The following CTIF variants were observed in gnomAD, a reference collection of about 807,000 sequenced individuals.
The protein encoded by CTIF is CBP80/20-dependent translation initiation factor.
In CTIF, 21 loss-of-function variants were observed where a neutral mutation model predicts 66.0. The observed-to-expected ratio is 0.32, with a 90% CI of 0.23 to 0.46. CTIF has a LOEUF of 0.46. Among genes scored for constraint, CTIF ranks in the 20% least tolerant of loss-of-function variants. The probability of loss-of-function intolerance (pLI) is 1.00; values close to 1 mark genes in which losing one functional copy is unlikely to be tolerated. For synonymous variants in CTIF, 345 were observed against 326.4 expected, an observed-to-expected ratio of 1.06 and a Z score of -0.62; for missense variants, 739 against 812.7, an observed-to-expected ratio of 0.91 and a Z score of 1.10.
At chr18:48,680,922 C>T (rs1016946830) in intron 6 of CTIF, among the ~76,000 whole-genome samples, 3 of 152,206 alleles carry the variant, frequency 2.0e-5, no homozygotes, top group Non-Finnish European at 4.4e-5. Context: ...TTTTAGTTTC[C>T]CCCTGCTTCT....
At chr18:48,695,915 A>G (rs911720602) in intron 6 of CTIF, among the ~76,000 whole-genome samples, 1 of 152,228 alleles carries the variant, frequency 6.6e-6, no homozygotes, top group Non-Finnish European at 1.5e-5. Flanking sequence ...TCTCCTCCGC[A>G]TGTGACTCGG....
intron 9 of CTIF, among the ~76,000 whole-genome samples, chr18:48,774,611 C>T (rs867236915): frequency 1.3e-4 from 20 of 152,236 alleles, no homozygotes; most frequent in Admixed American, 2.6e-4. Flanking sequence ...TGCTCAAAAT[C>T]GTCCCCCCTC....
chr18:48,629,535 C>G (rs1038723514), intron 2 of CTIF, among the ~76,000 whole-genome samples: 1 of 151,474 alleles, frequency 6.6e-6, no homozygotes, highest in African/African-American at 2.4e-5. Flanking sequence ...TGTATTTCCT[C>G]AGAACAAGGA....
At chr18:48,681,780 G>A (rs2091747427) in intron 6 of CTIF, among the ~76,000 whole-genome samples, 1 of 151,288 alleles carries the variant, frequency 6.6e-6, no homozygotes, top group Non-Finnish European at 1.5e-5. Flanking sequence ...GTTTTTGTTT[G>A]TTTGTTTGTT....
intron 10 of CTIF, among the ~76,000 whole-genome samples, chr18:48,835,585 C>T (rs1449951229): frequency 6.6e-6 from 1 of 152,148 alleles, no homozygotes; most frequent in Non-Finnish European, 1.5e-5. Context: ...CTAAGGATCC[C>T]ACATCTATAA....
At chr18:48,636,326 T>G (rs377141928) in intron 2 of CTIF, among the ~76,000 whole-genome samples, 8 of 152,224 alleles carry the variant, frequency 5.3e-5, no homozygotes, top group African/African-American at 1.7e-4. Context: ...ATAAGTTTTG[T>G]CATATCTGGC....
intron 2 of CTIF, among the ~76,000 whole-genome samples, chr18:48,629,816 T>G (rs1016985965): frequency 2.0e-5 from 3 of 152,176 alleles, no homozygotes; most frequent in Non-Finnish European, 4.4e-5. Flanking sequence ...TCAGTCTCCA[T>G]GTTTGCTAAT....
chr18:48,652,047 G>A (rs1313634555), intron 3 of CTIF, among the ~76,000 whole-genome samples: 4 of 152,158 alleles, frequency 2.6e-5, no homozygotes, highest in African/African-American at 2.4e-5. Flanking sequence ...ATCTAAAATC[G>A]ACACCCTAAC....
rs2090497087 is a variant in CTIF at position 48,621,722 on chromosome 18, C to T, written c.180+1977C>T. 7 of 262,380 alleles carry T rather than the reference C, an allele frequency of 2.7e-5. 1 individual carries two copies. Among genetic ancestry groups the T allele is most frequent in the South Asian group, 2.0e-4 (6 of 30,518 alleles). The allele number at this position is 262,380 out of a possible 1,614,324, so 16.3% of individuals were successfully genotyped here. Reference sequence around the variant, plus strand: ...ACTGAGCGGTGAAGGCAGAAGCCTGCCTGTGGCCAGCTCAAGGAACAGAAG... The same window carrying T: ...ACTGAGCGGTGAAGGCAGAAGCCTGTCTGTGGCCAGCTCAAGGAACAGAAG... On this transcript the variant is annotated intron_variant, in intron 2 of 11. Coordinates refer to ENST00000256413, the MANE Select transcript of CTIF (RefSeq NM_014772.3).
chr18:48,770,558 G>C (rs1383768869), intron 9 of CTIF, among the ~76,000 whole-genome samples: 1 of 152,264 alleles, frequency 6.6e-6, no homozygotes, highest in Non-Finnish European at 1.5e-5. Flanking sequence ...AGCGTGGGTG[G>C]CTCAGGAGGG....
intron 10 of CTIF, among the ~76,000 whole-genome samples, chr18:48,835,103 C>T (rs1286458470): frequency 6.6e-6 from 1 of 152,268 alleles, no homozygotes; most frequent in African/African-American, 2.4e-5. Flanking sequence ...CAAATTCCTT[C>T]ACTTCCTTGA....
At chr18:48,634,039 A>T (rs1265714997) in intron 2 of CTIF, among the ~76,000 whole-genome samples, 1 of 152,168 alleles carries the variant, frequency 6.6e-6, no homozygotes, top group Non-Finnish European at 1.5e-5. Context: ...TTTGCATGTA[A>T]TTGCCACATC....
intron 9 of CTIF, among the ~76,000 whole-genome samples, chr18:48,801,433 C>T (rs948944576): frequency 6.6e-5 from 10 of 152,296 alleles, no homozygotes; most frequent in African/African-American, 2.2e-4. Flanking sequence ...TTTTGGGATA[C>T]GGCTTAGATA....
intron 9 of CTIF, among the ~76,000 whole-genome samples, chr18:48,787,397 G>A (rs959320894): frequency 1.3e-4 from 20 of 152,126 alleles, no homozygotes; most frequent in African/African-American, 4.8e-4. Context: ...GAAGGAGGAA[G>A]GGATGGAGAG....
chr18:48,590,639 C>T lies in CTIF; in HGVS notation c.-28-28899C>T, dbSNP rs115350418. Among the ~76,000 whole-genome samples the T allele has an allele frequency of 3.3e-3, 496 of 152,264 alleles. 1 individual carries two copies. Among genetic ancestry groups the T allele is most frequent in the African/African-American group, 0.01 (435 of 41,544 alleles). The stretch of plus-strand genomic sequence containing the variant: ...AACCATGCTGCCCAGGAGGCCAGGC[C>T]GTTATCAGGGTGGGACTCCCTCCAG... On this transcript the variant is annotated intron_variant, in intron 1 of 11. Transcript: ENST00000256413.
At chr18:48,705,647 A>C (rs2092142910) in intron 6 of CTIF, among the ~76,000 whole-genome samples, 1 of 152,244 alleles carries the variant, frequency 6.6e-6, no homozygotes, top group African/African-American at 2.4e-5. Flanking sequence ...CAGCATCACC[A>C]GCAACGGTCC....
At chr18:48,584,552 C>T (rs1448189257) in intron 1 of CTIF, among the ~76,000 whole-genome samples, 1 of 152,158 alleles carries the variant, frequency 6.6e-6, no homozygotes, top group Non-Finnish European at 1.5e-5. Context: ...TTCATAAGCT[C>T]TCCAGTTGCA....
chr18:48,540,401 C>T (rs934720709), intron 1 of CTIF: 1 of 151,628 alleles, frequency 6.6e-6, no homozygotes, highest in Admixed American at 6.6e-5. Flanking sequence ...TGGGCTGCGG[C>T]GAAGGTCTGG....
At position 48,669,793 on chromosome 18, in the gene CTIF, T is replaced by TTATA. The variant is rs57715945; in HGVS notation, c.432-831_432-828dup. Among the ~76,000 whole-genome samples, 239 of 47,146 alleles carry TTATA rather than the reference T, an allele frequency of 5.1e-3. 2 individuals are homozygous for TTATA. The highest frequency in any genetic ancestry group is 8.2e-3 in the African/African-American group (97 of 11,832). 30.9% of individuals were successfully genotyped at this position (47,146 alleles called of 152,430 possible). A position where few individuals can be genotyped will look rare whatever the true frequency, so the allele number is the denominator to read the frequency against. On this transcript the variant is annotated intron_variant, in intron 5 of 11. Transcript: ENST00000256413. ...ATTTATAAACAAACAAGCTAAACAT[T>TTATA]TATATATATATATATATATATATAT...
Sources: gnomAD v4.1 joint callset for allele counts (sites outside exome capture counted in the v4.1 genomes callset) on GRCh38, gnomAD v4.1.1 for gene constraint, MANE v1.5 for transcripts, NCBI Gene and HGNC (gene_info 2026-07-23, HGNC 2026-07-21) for gene names.